Variants in AFG2A observed in about 807,000 individuals in gnomAD.
The protein encoded by AFG2A is AAA ATPase AFG2A.
the AFG2A span, among the ~76,000 whole-genome samples, chr4:123,070,343 A>G: frequency 6.6e-6 from 1 of 152,014 alleles, no homozygotes. Context: ...ACTGTGCTAG[A>G]TCCTTTATAT....
At chr4:123,028,452 C>T in the AFG2A span, 1 of 1,408,452 alleles carries the variant, frequency 7.1e-7, no homozygotes, top group South Asian at 1.2e-5. Flanking sequence ...AACCCCCATT[C>T]TCTGACTCCT....
chr4:123,184,305 A>G, the AFG2A span, among the ~76,000 whole-genome samples: 1 of 152,158 alleles, frequency 6.6e-6, no homozygotes, highest in African/African-American at 2.4e-5. Flanking sequence ...TGGCATTCTA[A>G]GTATTCTGAG....
At chr4:123,092,133 A>G in the AFG2A span, among the ~76,000 whole-genome samples, 1 of 152,144 alleles carries the variant, frequency 6.6e-6, no homozygotes, top group Non-Finnish European at 1.5e-5. Flanking sequence ...GAGTATTTAT[A>G]GAATCTGGGT....
chr4:123,163,169 C>T, the AFG2A span, among the ~76,000 whole-genome samples: 1 of 152,222 alleles, frequency 6.6e-6, no homozygotes, highest in African/African-American at 2.4e-5. Context: ...GGTGCAGTGG[C>T]TCACGCCTTT....
the AFG2A span, among the ~76,000 whole-genome samples, chr4:123,234,769 T>G: frequency 6.6e-6 from 1 of 152,248 alleles, no homozygotes; most frequent in East Asian, 1.9e-4. Context: ...TAAGACTTCT[T>G]TTGGTGTTGA....
the AFG2A span, among the ~76,000 whole-genome samples, chr4:123,162,627 C>T: frequency 4.6e-5 from 7 of 152,196 alleles, no homozygotes; most frequent in African/African-American, 1.7e-4. Context: ...TATAGAGAGA[C>T]ATATCAGGAA....
chr4:122,934,069 C>T, the AFG2A span: 1 of 1,531,884 alleles, frequency 6.5e-7, no homozygotes, highest in South Asian at 1.3e-5. Context: ...ATTATGCTAA[C>T]ATGTATATTT....
the AFG2A span, chr4:122,938,076 CTT>C: frequency 1.4e-6 from 2 of 1,465,086 alleles, no homozygotes; most frequent in Non-Finnish European, 9.1e-7. Context: ...CTAAGTAAAA[CTT>C]AAAATCAAAT....
chr4:123,317,263 T>C, the AFG2A span: 1 of 149,544 alleles, frequency 6.7e-6, no homozygotes, highest in Non-Finnish European at 1.5e-5. Context: ...ATTCTGACTA[T>C]GAGCTTACCT....
the AFG2A span, among the ~76,000 whole-genome samples, chr4:123,229,560 G>C: frequency 6.6e-6 from 1 of 151,864 alleles, no homozygotes; most frequent in Non-Finnish European, 1.5e-5. Flanking sequence ...GTGAGGAAGT[G>C]GTTCAAACAG....
At chr4:123,056,603 C>T in the AFG2A span, among the ~76,000 whole-genome samples, 10 of 152,156 alleles carry the variant, frequency 6.6e-5, no homozygotes, top group African/African-American at 2.4e-4. Flanking sequence ...TTTAAAAATG[C>T]AGTTTTGATC....
chr4:123,016,053 T>C, the AFG2A span, among the ~76,000 whole-genome samples: 3 of 8,146 alleles, frequency 3.7e-4, no homozygotes, highest in Non-Finnish European at 8.7e-4. Context: ...CCCCACTTCC[T>C]TCCCGGATGG....
chr4:122,996,655 C>T, the AFG2A span, among the ~76,000 whole-genome samples: 2 of 151,846 alleles, frequency 1.3e-5, no homozygotes, highest in African/African-American at 4.8e-5. Context: ...AATTGGCTCA[C>T]ACAATTATGG....
chr4:123,084,590 ATGTGTG>A, the AFG2A span, among the ~76,000 whole-genome samples: 150 of 143,302 alleles, frequency 1.0e-3, no homozygotes, highest in Middle Eastern at 3.6e-3. Context: ...GTATATATAT[ATGTGTG>A]TGTGTGTGTG....
the AFG2A span, among the ~76,000 whole-genome samples, chr4:123,152,413 A>C: frequency 2.6e-5 from 4 of 152,238 alleles, no homozygotes; most frequent in African/African-American, 9.6e-5. Flanking sequence ...TTGAAATTCA[A>C]CAATAAGAAA....
chr4:123,018,325 G>T, the AFG2A span, among the ~76,000 whole-genome samples: 3 of 152,158 alleles, frequency 2.0e-5, no homozygotes, highest in Non-Finnish European at 4.4e-5. Context: ...TATCAGGAAT[G>T]ATTTAGGTTA....
the AFG2A span, among the ~76,000 whole-genome samples, chr4:122,928,671 G>A: frequency 6.6e-6 from 1 of 152,112 alleles, no homozygotes; most frequent in Non-Finnish European, 1.5e-5. Context: ...TTTCCAGGCT[G>A]GATTACTTTA....
chr4:123,181,046 G>A, the AFG2A span, among the ~76,000 whole-genome samples: 2 of 147,482 alleles, frequency 1.4e-5, no homozygotes, highest in Non-Finnish European at 3.0e-5. Context: ...GTGCAGTGGC[G>A]CGATCTCGGC....
At chr4:123,002,622 G>A in the AFG2A span, among the ~76,000 whole-genome samples, 1 of 152,168 alleles carries the variant, frequency 6.6e-6, no homozygotes, top group African/African-American at 2.4e-5. Flanking sequence ...TAAGAATGTT[G>A]AATATTGGCC....
Sources: gnomAD v4.1 joint callset for allele counts (sites outside exome capture counted in the v4.1 genomes callset) on GRCh38, gnomAD v4.1.1 for gene constraint, MANE v1.5 for transcripts, NCBI Gene and HGNC (gene_info 2026-07-23, HGNC 2026-07-21) for gene names.